Variants in MAGI2 observed in about 807,000 individuals in gnomAD.
The protein encoded by MAGI2 is membrane associated guanylate kinase, WW and PDZ domain containing 2.
MAGI2 carries 35 observed loss-of-function variants against 133.3 expected under a neutral mutation model. The ratio of observed to expected loss-of-function variants is 0.26; its 90% CI spans 0.20 to 0.35. MAGI2 has a LOEUF of 0.35. Among genes scored for constraint, MAGI2 ranks in the 10% least tolerant of loss-of-function variants. MAGI2 has a pLI of 1.00. For synonymous variants in MAGI2, 729 were observed against 710.6 expected (o/e 1.03, Z -0.41); for missense variants, 1,636 against 1,863.4 (o/e 0.88, Z 2.25).
chr7:79,237,422 G>T (rs1832025150), intron 1 of MAGI2, among the ~76,000 whole-genome samples: 1 of 152,176 alleles, frequency 6.6e-6, no homozygotes. Context: ...GAACCCGGGA[G>T]GTGGAGCTTG....
chr7:78,705,721 G>T (rs1405524266), intron 2 of MAGI2, among the ~76,000 whole-genome samples: 1 of 152,060 alleles, frequency 6.6e-6, no homozygotes, highest in Non-Finnish European at 1.5e-5. Flanking sequence ...AAAGAAACTA[G>T]AAACAGATAA....
At chr7:79,313,664 C>A (rs993419986) in intron 1 of MAGI2, among the ~76,000 whole-genome samples, 2 of 152,032 alleles carry the variant, frequency 1.3e-5, no homozygotes, top group African/African-American at 2.4e-5. Flanking sequence ...TTTATAAAAG[C>A]CCATGTTAAG....
intron 1 of MAGI2, among the ~76,000 whole-genome samples, chr7:79,118,964 G>A (rs1206664823): frequency 3.3e-5 from 5 of 152,136 alleles, no homozygotes; most frequent in Non-Finnish European, 5.9e-5. Context: ...ATTCAATTAA[G>A]TAGAAGTCTT....
At chr7:78,200,427 A>G (rs139154586) in intron 11 of MAGI2, among the ~76,000 whole-genome samples, 3 of 152,320 alleles carry the variant, frequency 2.0e-5, no homozygotes, top group African/African-American at 7.2e-5. Flanking sequence ...CAGACATTTT[A>G]GCATGTTTCG....
At chr7:79,425,607 TATGTATATATAC>T (rs1453056966) in intron 1 of MAGI2, among the ~76,000 whole-genome samples, 2 of 149,238 alleles carry the variant, frequency 1.3e-5, no homozygotes, top group East Asian at 2.0e-4. Context: ...TATGTATATA[TATGTATATATAC>T]GTTTTGATTA....
intron 4 of MAGI2, among the ~76,000 whole-genome samples, chr7:78,516,443 C>CTTGGG (rs1796048396): frequency 6.6e-6 from 1 of 152,134 alleles, no homozygotes; most frequent in Admixed American, 6.5e-5. Context: ...CCTTGACCTT[C>CTTGGG]CTGGGCTCAA....
intron 9 of MAGI2, among the ~76,000 whole-genome samples, chr7:78,296,152 C>CATT (rs1797214751): frequency 6.6e-6 from 1 of 152,122 alleles, no homozygotes; most frequent in African/African-American, 2.4e-5. Context: ...ACCAGAGTAA[C>CATT]ATTTTAAAAA....
intron 2 of MAGI2, among the ~76,000 whole-genome samples, chr7:78,801,611 G>C (rs1583945369): frequency 8.6e-6 from 1 of 115,952 alleles, no homozygotes; most frequent in African/African-American, 2.7e-5. Flanking sequence ...TAATAAAAAG[G>C]GTTTTTTTTG....
At chr7:78,508,394 G>C (rs1227316042) in intron 4 of MAGI2, among the ~76,000 whole-genome samples, 1 of 152,088 alleles carries the variant, frequency 6.6e-6, no homozygotes, top group Non-Finnish European at 1.5e-5. Flanking sequence ...TATCATATTT[G>C]TTTCCCTGAT....
intron 1 of MAGI2, among the ~76,000 whole-genome samples, chr7:79,037,219 G>A (rs1257574489): frequency 6.6e-6 from 1 of 152,050 alleles, no homozygotes; most frequent in Non-Finnish European, 1.5e-5. Context: ...TATTATGTGG[G>A]GAAAAAATGT....
intron 1 of MAGI2, among the ~76,000 whole-genome samples, chr7:79,406,893 G>A (rs527411530): frequency 6.6e-6 from 1 of 152,158 alleles, no homozygotes; most frequent in South Asian, 2.1e-4. Flanking sequence ...ATTAAAGGCA[G>A]GACTGAGGTG....
Position 78,739,138 on chromosome 7 carries a change from C to T in MAGI2, c.419-111899G>A, listed in dbSNP as rs138303936. 7.5e-3 allele frequency among the ~76,000 whole-genome samples: 1,134 copies of T among 152,060 alleles called. 7 individuals carry two copies. Among genetic ancestry groups the T allele is most frequent in the Middle Eastern group, 0.01 (3 of 292 alleles). Reference sequence around the variant, plus strand: ...TAAAGGCAGGTGAATGCTTTTTTCCCCCTCAGTGAATTTATATATGGAATT... The same window carrying T: ...TAAAGGCAGGTGAATGCTTTTTTCCTCCTCAGTGAATTTATATATGGAATT... On this transcript the variant is annotated intron_variant, in intron 2 of 21. Coordinates refer to ENST00000354212, the MANE Select transcript of MAGI2 (RefSeq NM_012301.4).
In MAGI2 at chr7:78,613,760, ACAATATAATAGGC is replaced by A. The variant is rs1422540317; in HGVS notation, c.538+13347_538+13359del. 8.5e-5 allele frequency among the ~76,000 whole-genome samples: 13 copies of A among 152,328 alleles called. No homozygotes were observed. In the East Asian group the frequency reaches 2.3e-3, roughly 27 times the overall value. On this transcript the variant is annotated intron_variant, in intron 3 of 21. Coordinates refer to ENST00000354212, the MANE Select transcript of MAGI2 (RefSeq NM_012301.4). ...ACTATGAACATGAGTTAAAAATGTG[ACAATATAATAGGC>A]CAAATGTCTTTTACTTTTGATTTTG...
At chr7:79,233,949 T>C (rs1345763986) in intron 1 of MAGI2, among the ~76,000 whole-genome samples, 1 of 149,356 alleles carries the variant, frequency 6.7e-6, no homozygotes, top group Non-Finnish European at 1.5e-5. Flanking sequence ...TTCCTTTCCA[T>C]GTTTAGCGCT....
intron 2 of MAGI2, among the ~76,000 whole-genome samples, chr7:78,981,698 G>A (rs2116186181): frequency 6.6e-6 from 1 of 151,612 alleles, no homozygotes; most frequent in South Asian, 2.1e-4. Context: ...TTTCCCATGT[G>A]GGAGCCCATG....
intron 2 of MAGI2, among the ~76,000 whole-genome samples, chr7:78,751,375 G>T (rs560767538): frequency 6.6e-6 from 1 of 152,148 alleles, no homozygotes; most frequent in African/African-American, 2.4e-5. Context: ...GGACAAACAC[G>T]TTCTTGTAAT....
At chr7:78,421,855 T>G (rs1261784896) in intron 6 of MAGI2, among the ~76,000 whole-genome samples, 1 of 152,164 alleles carries the variant, frequency 6.6e-6, no homozygotes, top group Non-Finnish European at 1.5e-5. Flanking sequence ...AAGGAACATT[T>G]TCCTTGGTGT....
chr7:79,258,071 C>T (rs1001795445), intron 1 of MAGI2, among the ~76,000 whole-genome samples: 9 of 152,130 alleles, frequency 5.9e-5, no homozygotes, highest in African/African-American at 2.2e-4. Flanking sequence ...CAAACATGTT[C>T]CATGATTGGT....
intron 9 of MAGI2, among the ~76,000 whole-genome samples, chr7:78,284,461 T>C (rs1795949603): frequency 6.6e-6 from 1 of 151,426 alleles, no homozygotes; most frequent in African/African-American, 2.4e-5. Flanking sequence ...TTTTTTTTTT[T>C]TTTTAAAATA....
Sources: allele counts gnomAD v4.1 joint callset (sites outside exome capture counted in the v4.1 genomes callset), GRCh38; gene constraint gnomAD v4.1.1; transcripts MANE v1.5; gene names NCBI Gene and HGNC (gene_info 2026-07-23, HGNC 2026-07-21).